Variants in PPARGC1A observed in about 807,000 individuals in gnomAD.
PPARGC1A encodes peroxisome proliferator-activated receptor gamma coactivator 1-alpha.
In PPARGC1A, 25 loss-of-function variants were observed where a neutral mutation model predicts 88.7. That is an observed-to-expected ratio of 0.28 (90% confidence interval 0.21 to 0.39). The LOEUF is 0.39. PPARGC1A is among the 10% of genes least tolerant of loss of function. PPARGC1A has a pLI of 1.00. For missense variants in PPARGC1A, 880 were observed against 968.7 expected (o/e 0.91, Z 1.22); for synonymous variants, 363 against 355.6 (o/e 1.02, Z -0.24).
the PPARGC1A span, among the ~76,000 whole-genome samples, chr4:24,222,239 T>G: frequency 6.6e-6 from 1 of 152,216 alleles, no homozygotes; most frequent in Non-Finnish European, 1.5e-5. Flanking sequence ...TCCAGGACTC[T>G]TCATCAACCT....
At chr4:23,969,448 AT>A in the PPARGC1A span, among the ~76,000 whole-genome samples, 1 of 152,188 alleles carries the variant, frequency 6.6e-6, no homozygotes, top group Non-Finnish European at 1.5e-5. Context: ...GGCCAATTCT[AT>A]ATGCATACTC....
chr4:24,113,984 C>T, the PPARGC1A span, among the ~76,000 whole-genome samples: 6 of 151,740 alleles, frequency 4.0e-5, no homozygotes, highest in Admixed American at 6.6e-5. Context: ...AATAGTTGGG[C>T]GTGGTGTTGC....
At chr4:24,396,371 G>A in the PPARGC1A span, among the ~76,000 whole-genome samples, 10 of 152,072 alleles carry the variant, frequency 6.6e-5, no homozygotes, top group Admixed American at 2.0e-4. Flanking sequence ...TAGGCAAATC[G>A]CTTCCCCCAG....
At chr4:24,412,238 C>T in the PPARGC1A span, among the ~76,000 whole-genome samples, 1 of 152,134 alleles carries the variant, frequency 6.6e-6, no homozygotes, top group East Asian at 1.9e-4. Flanking sequence ...AGTGAAATGA[C>T]TGGAACCAAG....
chr4:23,900,243 T>C (rs1164827683), upstream of PPARGC1A, among the ~76,000 whole-genome samples: 1 of 152,218 alleles, frequency 6.6e-6, no homozygotes, highest in African/African-American at 2.4e-5. Flanking sequence ...TGAAGGAATA[T>C]TACAACTCTA....
chr4:23,820,260 G>GA (rs1722757883), intron 7 of PPARGC1A, among the ~76,000 whole-genome samples: 1 of 151,992 alleles, frequency 6.6e-6, no homozygotes, highest in Non-Finnish European at 1.5e-5. Context: ...TATCAATGGA[G>GA]AAAAAAATTA....
chr4:24,040,352 A>T, the PPARGC1A span, among the ~76,000 whole-genome samples: 1 of 152,246 alleles, frequency 6.6e-6, no homozygotes, highest in Non-Finnish European at 1.5e-5. Context: ...TCTCTTGACA[A>T]AGGAAACCAT....
At position 23,874,815 on chromosome 4, in the gene PPARGC1A, C is replaced by T. The variant is rs570628661; in HGVS notation, c.234+9937G>A. 8.5e-5 allele frequency among the ~76,000 whole-genome samples: 13 copies of T among 152,272 alleles called. No homozygotes were observed. The East Asian group carries it at 2.5e-3, about 29-fold the overall frequency. On this transcript the variant is annotated intron_variant, in intron 2 of 12. Coordinates refer to ENST00000264867, the MANE Select transcript of PPARGC1A (RefSeq NM_013261.5). Reference sequence around the variant, plus strand: ...TGGTCAAGTTTTTTCCTCCTCTTCCCTACCTCCTCCCTTTCTTTCTCTTAG... The same window carrying T: ...TGGTCAAGTTTTTTCCTCCTCTTCCTTACCTCCTCCCTTTCTTTCTCTTAG...
the PPARGC1A span, among the ~76,000 whole-genome samples, chr4:24,437,502 T>C: frequency 2.8e-4 from 43 of 152,162 alleles, no homozygotes; most frequent in Non-Finnish European, 4.6e-4. Flanking sequence ...GGTAGAGAGG[T>C]GCAGGAGATG....
At chr4:24,431,124 CAAAAAAAA>C in the PPARGC1A span, among the ~76,000 whole-genome samples, 1 of 72,556 alleles carries the variant, frequency 1.4e-5, no homozygotes, top group Non-Finnish European at 2.8e-5. Context: ...GACTCCATCT[CAAAAAAAA>C]AAAAAAAAAA....
the PPARGC1A span, among the ~76,000 whole-genome samples, chr4:23,955,722 C>T: frequency 2.0e-5 from 3 of 152,104 alleles, no homozygotes; most frequent in Non-Finnish European, 4.4e-5. Flanking sequence ...ATAAGCACAA[C>T]AGTTGCATTA....
the PPARGC1A span, among the ~76,000 whole-genome samples, chr4:23,942,085 AG>A: frequency 6.6e-6 from 1 of 152,042 alleles, no homozygotes; most frequent in Admixed American, 6.6e-5. Flanking sequence ...GAAAAAAAAA[AG>A]AAGAAAGAGA....
the PPARGC1A span, among the ~76,000 whole-genome samples, chr4:24,336,048 T>C: frequency 1.2e-4 from 19 of 152,274 alleles, no homozygotes; most frequent in East Asian, 3.3e-3. Context: ...TCACTTTTTT[T>C]CCCCCGTTTT....
At chr4:24,403,837 T>C in the PPARGC1A span, among the ~76,000 whole-genome samples, 6 of 152,184 alleles carry the variant, frequency 3.9e-5, 1 homozygote, top group Non-Finnish European at 7.4e-5. Flanking sequence ...CTTATAATAA[T>C]CTTATCCTCA....
the PPARGC1A span, among the ~76,000 whole-genome samples, chr4:24,383,713 A>C: frequency 2.0e-5 from 3 of 152,210 alleles, no homozygotes; most frequent in Non-Finnish European, 4.4e-5. Context: ...GCCTCCAAGA[A>C]ATATGGGACT....
the PPARGC1A span, among the ~76,000 whole-genome samples, chr4:24,248,921 T>C: frequency 6.6e-6 from 1 of 152,200 alleles, no homozygotes; most frequent in Non-Finnish European, 1.5e-5. Flanking sequence ...TTTATTGTTA[T>C]TGCCGAGTAG....
the PPARGC1A span, among the ~76,000 whole-genome samples, chr4:24,254,556 G>A: frequency 1.3e-5 from 2 of 152,154 alleles, no homozygotes; most frequent in African/African-American, 4.8e-5. Flanking sequence ...CAGAATTTGG[G>A]GGACATCCTG....
At chr4:24,074,990 C>A in the PPARGC1A span, among the ~76,000 whole-genome samples, 9 of 152,078 alleles carry the variant, frequency 5.9e-5, no homozygotes, top group East Asian at 1.7e-3. Context: ...CTAGGTGAGC[C>A]CTAAGCATCT....
chr4:24,055,402 G>A, the PPARGC1A span, among the ~76,000 whole-genome samples: 2 of 152,126 alleles, frequency 1.3e-5, no homozygotes, highest in African/African-American at 4.8e-5. Context: ...CCTTAGTTAC[G>A]AACCTTTCTC....
Sources: gnomAD v4.1 joint callset for allele counts (sites outside exome capture counted in the v4.1 genomes callset) on GRCh38, gnomAD v4.1.1 for gene constraint, MANE v1.5 for transcripts, NCBI Gene and HGNC (gene_info 2026-07-23, HGNC 2026-07-21) for gene names.